Variants in MYO5B observed in about 807,000 individuals in gnomAD.
MYO5B encodes the protein myosin VB.
In MYO5B, 143 loss-of-function variants were observed where a neutral mutation model predicts 229.3. The observed-to-expected ratio is 0.62, with a 90% confidence interval of 0.54 to 0.72. The LOEUF is 0.72. MYO5B is among the 30% of genes least tolerant of loss of function. The probability of loss-of-function intolerance (pLI) is 0.00; values close to 1 mark genes in which losing one functional copy is unlikely to be tolerated. For synonymous variants in MYO5B, 918 were observed against 885.2 expected, an observed-to-expected ratio of 1.04 and a Z score of -0.66; for missense variants, 2,321 against 2,331.0, an observed-to-expected ratio of 1.00 and a Z score of 0.09.
chr18:49,974,278 C>G (rs1244012546), intron 10 of MYO5B, 72 bp downstream of exon 10: 23 of 1,605,798 alleles, frequency 1.4e-5, no homozygotes, highest in Non-Finnish European at 3.4e-6. Flanking sequence ...TCCAATGCCC[C>G]TGCTGGCTGT....
chr18:49,921,422 G>A (rs1365731485), intron 17 of MYO5B, among the ~76,000 whole-genome samples: 1 of 152,178 alleles, frequency 6.6e-6, no homozygotes, highest in South Asian at 2.1e-4. Context: ...AGACCTAGGA[G>A]CTGGGTGACG....
chr18:50,147,550 GC>G (rs2144296970), intron 1 of MYO5B, among the ~76,000 whole-genome samples: 1 of 152,204 alleles, frequency 6.6e-6, no homozygotes, highest in South Asian at 2.1e-4. Context: ...ACTATTCTAG[GC>G]CCTGAGGATA....
intron 1 of MYO5B, among the ~76,000 whole-genome samples, chr18:50,070,184 C>T (rs2030921834): frequency 6.6e-6 from 1 of 151,814 alleles, no homozygotes; most frequent in East Asian, 1.9e-4. Context: ...ACTACATCTG[C>T]CTAATTTTTT....
intron 17 of MYO5B, among the ~76,000 whole-genome samples, chr18:49,913,843 A>G (rs950485841): frequency 2.6e-5 from 4 of 152,110 alleles, no homozygotes; most frequent in African/African-American, 9.7e-5. Context: ...GTGGCAGAAC[A>G]GCACGACAGA....
intron 12 of MYO5B, among the ~76,000 whole-genome samples, chr18:49,960,572 A>G (rs747157572): frequency 4.6e-5 from 7 of 152,262 alleles, no homozygotes; most frequent in Non-Finnish European, 8.8e-5. Context: ...CTGTTGGCTT[A>G]AAATCCACCT....
chr18:49,838,423 CTCTG>C (rs2024016550), intron 36 of MYO5B, among the ~76,000 whole-genome samples: 1 of 152,186 alleles, frequency 6.6e-6, no homozygotes, highest in Non-Finnish European at 1.5e-5. Context: ...TCAGTTCTCC[CTCTG>C]TCTGGTGCCT....
intron 14 of MYO5B, among the ~76,000 whole-genome samples, chr18:49,939,462 GAACC>G (rs367871792): frequency 1.3e-5 from 2 of 152,154 alleles, no homozygotes; most frequent in African/African-American, 4.8e-5. Context: ...TGATCTTTCT[GAACC>G]ACGTAAGTAC....
intron 29 of MYO5B, among the ~76,000 whole-genome samples, chr18:49,860,535 A>G (rs2024317151): frequency 1.3e-5 from 2 of 152,178 alleles, no homozygotes; most frequent in Admixed American, 6.5e-5. Flanking sequence ...GCTCCTCAAT[A>G]ATAGCTTCTC....
intron 1 of MYO5B, among the ~76,000 whole-genome samples, chr18:50,193,801 C>T (rs1369199002): frequency 6.6e-6 from 1 of 152,252 alleles, no homozygotes; most frequent in Non-Finnish European, 1.5e-5. Context: ...GCCTTTGCCC[C>T]TCTCACTACT....
intron 1 of MYO5B, among the ~76,000 whole-genome samples, chr18:50,120,779 C>G (rs2032045547): frequency 6.6e-6 from 1 of 152,172 alleles, no homozygotes. Context: ...GGGGAGTCCC[C>G]ATTCTTAATG....
At chr18:49,998,536 C>A (rs1265597400) in intron 5 of MYO5B, among the ~76,000 whole-genome samples, 9 of 152,208 alleles carry the variant, frequency 5.9e-5, no homozygotes, top group Non-Finnish European at 1.2e-4. Context: ...TAAGGTCAGA[C>A]CACTGTGATT....
rs140298139 is a variant in MYO5B, at chr18:50,087,446, G to A, written c.28-32068C>T. 5.8e-3 allele frequency among the ~76,000 whole-genome samples: 888 copies of A among 151,844 alleles called. 13 individuals carry two copies. Among genetic ancestry groups the A allele is most frequent in the African/African-American group, 0.021 (859 of 41,398 alleles). Reference sequence around the variant, plus strand: ...AAGTTTTCCAGGTGTGGTGGCACGCGCCTGTAATCCCAGCTACTAGGGAGG... The same window carrying A: ...AAGTTTTCCAGGTGTGGTGGCACGCACCTGTAATCCCAGCTACTAGGGAGG... On this transcript the variant is annotated intron_variant, in intron 1 of 39. Coordinates refer to ENST00000285039, the MANE Select transcript of MYO5B (RefSeq NM_001080467.3).
chr18:49,952,004 C>T (rs374613872), intron 14 of MYO5B, among the ~76,000 whole-genome samples: 19 of 152,194 alleles, frequency 1.2e-4, no homozygotes, highest in Admixed American at 7.9e-4. Flanking sequence ...CTTTTACCCA[C>T]GGCCAATTTG....
chr18:50,078,421 G>C (rs2031138974), intron 1 of MYO5B, among the ~76,000 whole-genome samples: 1 of 152,162 alleles, frequency 6.6e-6, no homozygotes, highest in South Asian at 2.1e-4. Flanking sequence ...GGAGGGAGTA[G>C]ATGCATACTG....
chr18:49,929,657 A>T (rs1568034796), intron 16 of MYO5B, 59 bp from the exon 17 acceptor site: 1 of 1,432,244 alleles, frequency 7.0e-7, no homozygotes, highest in Non-Finnish European at 9.6e-7. Flanking sequence ...CCACATTTGC[A>T]AAAAAGAAAC....
chr18:49,842,815 C>G (rs2024075728), intron 34 of MYO5B, among the ~76,000 whole-genome samples: 1 of 152,206 alleles, frequency 6.6e-6, no homozygotes, highest in South Asian at 2.1e-4. Context: ...TGTTACCCCC[C>G]AGGGAAGCAA....
intron 17 of MYO5B, among the ~76,000 whole-genome samples, chr18:49,915,974 C>G (rs1421980845): frequency 6.6e-6 from 1 of 152,216 alleles, no homozygotes; most frequent in African/African-American, 2.4e-5. Context: ...GAGTCCGAGT[C>G]CCCTTGGTCC....
intron 33 of MYO5B, among the ~76,000 whole-genome samples, 184 bp downstream of exon 33, chr18:49,846,962 G>T (rs1024976059): frequency 4.2e-4 from 63 of 151,552 alleles, no homozygotes; most frequent in Non-Finnish European, 8.7e-4. Flanking sequence ...GCAGGAGCTG[G>T]GGGGAGGATG....
chr18:50,066,746 T>A (rs1352720724), intron 1 of MYO5B, among the ~76,000 whole-genome samples: 1 of 152,208 alleles, frequency 6.6e-6, no homozygotes, highest in Non-Finnish European at 1.5e-5. Context: ...CCCTAAGACC[T>A]TAAAAAGTTG....
Sources: allele counts gnomAD v4.1 joint callset (sites outside exome capture counted in the v4.1 genomes callset), GRCh38; gene constraint gnomAD v4.1.1; transcripts MANE v1.5; gene names NCBI Gene and HGNC (gene_info 2026-07-23, HGNC 2026-07-21).